PTPN13: variants seen among roughly 807,000 people sequenced by gnomAD.
PTPN13 encodes protein tyrosine phosphatase non-receptor type 13.
Under a neutral mutation model 284.0 loss-of-function variants are expected in PTPN13, and 191 were observed. The ratio of observed to expected loss-of-function variants is 0.67; its 90% CI spans 0.60 to 0.76. PTPN13 has a LOEUF of 0.76. PTPN13 is among the 30% of genes least tolerant of loss of function. The pLI is 0.00. For missense variants in PTPN13, 2,797 were observed against 2,939.9 expected (o/e 0.95, Z 1.12); for synonymous variants, 986 against 1,022.3 (o/e 0.96, Z 0.68).
chr4:86,665,715 G>A (rs952128230), intron 2 of PTPN13, among the ~76,000 whole-genome samples: 3 of 152,076 alleles, frequency 2.0e-5, no homozygotes, highest in African/African-American at 2.4e-5. Flanking sequence ...TTTTTTCTAC[G>A]TAAAAGATGC....
At chr4:86,784,602 T>A in intron 38 of PTPN13, 44 bp downstream of exon 38, 1 of 1,251,738 alleles carries the variant, frequency 8.0e-7, no homozygotes. Flanking sequence ...AATGCCCTAA[T>A]AATTCAGGTA....
chr4:86,764,981 C>A (rs563565093), intron 25 of PTPN13, among the ~76,000 whole-genome samples: 31 of 152,208 alleles, frequency 2.0e-4, no homozygotes, highest in Middle Eastern at 3.4e-3. Context: ...ATAAAACTTG[C>A]AAATTGTAAA....
intron 2 of PTPN13, among the ~76,000 whole-genome samples, chr4:86,661,564 A>G (rs1018964322): frequency 6.6e-6 from 1 of 152,130 alleles, no homozygotes; most frequent in Non-Finnish European, 1.5e-5. Flanking sequence ...GGTAAGTGGC[A>G]AGGCAGAGAG....
intron 7 of PTPN13, among the ~76,000 whole-genome samples, chr4:86,702,232 G>A (rs2149011745): frequency 6.6e-6 from 1 of 152,330 alleles, no homozygotes; most frequent in Admixed American, 6.5e-5. Context: ...AAGCAGAATA[G>A]CATGGTTATG....
intron 3 of PTPN13, among the ~76,000 whole-genome samples, chr4:86,679,425 C>G (rs1247721471): frequency 3.3e-5 from 5 of 152,096 alleles, no homozygotes; most frequent in Non-Finnish European, 5.9e-5. Flanking sequence ...AAGTCTGGTC[C>G]CTCCAATCAG....
At chr4:86,737,886 G>A (rs1035508549) in intron 15 of PTPN13, among the ~76,000 whole-genome samples, 4 of 151,900 alleles carry the variant, frequency 2.6e-5, no homozygotes, top group Non-Finnish European at 5.9e-5. Context: ...ATGCCACCAC[G>A]CCTGGCTAAT....
At chr4:86,814,337 A>G in intron 47 of PTPN13, 119 bp from the exon 48 acceptor site, 1 of 685,562 alleles carries the variant, frequency 1.5e-6, no homozygotes, top group Non-Finnish European at 2.3e-6. Flanking sequence ...ACATTCTAAC[A>G]AAATTTTTCC....
At chr4:86,752,193 G>A (rs911880147) in intron 19 of PTPN13, among the ~76,000 whole-genome samples, 5 of 152,034 alleles carry the variant, frequency 3.3e-5, no homozygotes, top group Non-Finnish European at 5.9e-5. Context: ...GTTGTCTTAC[G>A]AAATACTACT....
chr4:86,787,368 G>A (rs34178790), intron 40 of PTPN13, among the ~76,000 whole-genome samples: 12,664 of 151,700 alleles, frequency 0.083, 670 homozygotes, highest in Non-Finnish European at 0.11. Flanking sequence ...CAAGGTAGGC[G>A]GATCACCTGA....
At chr4:86,778,822 T>G (rs370072752) in intron 35 of PTPN13, among the ~76,000 whole-genome samples, 125 of 152,226 alleles carry the variant, frequency 8.2e-4, no homozygotes, top group African/African-American at 2.9e-3. Context: ...CAAAAAAAGC[T>G]ACCTCAGGTG....
chr4:86,636,703 T>C (rs1008949466), intron 2 of PTPN13, among the ~76,000 whole-genome samples: 4 of 151,848 alleles, frequency 2.6e-5, no homozygotes, highest in African/African-American at 9.7e-5. Flanking sequence ...TTTATAGCAC[T>C]AAATGCCCAC....
At chr4:86,795,664 A>G (rs1743253684) in intron 40 of PTPN13, among the ~76,000 whole-genome samples, 1 of 152,224 alleles carries the variant, frequency 6.6e-6, no homozygotes, top group African/African-American at 2.4e-5. Flanking sequence ...GATAGACTGA[A>G]TAAAGAAAAT....
intron 1 of PTPN13, among the ~76,000 whole-genome samples, chr4:86,606,025 A>G (rs1764709136): frequency 6.6e-6 from 1 of 151,930 alleles, no homozygotes; most frequent in Admixed American, 6.6e-5. Flanking sequence ...TGGGGCTTGT[A>G]GTAATGAGGA....
chr4:86,634,819 C>T (rs1722832223), intron 1 of PTPN13, among the ~76,000 whole-genome samples: 1 of 152,186 alleles, frequency 6.6e-6, no homozygotes, highest in African/African-American at 2.4e-5. Context: ...TTCCCAACTT[C>T]CCCTACCATG....
At chr4:86,700,558 A>G (rs1310402059) in intron 6 of PTPN13, among the ~76,000 whole-genome samples, 1 of 152,166 alleles carries the variant, frequency 6.6e-6, no homozygotes, top group Admixed American at 6.5e-5. Flanking sequence ...ATTGGCAAAT[A>G]ATGGTAAATT....
chr4:86,626,661 G>A (rs140654443), intron 1 of PTPN13, among the ~76,000 whole-genome samples: 30 of 152,154 alleles, frequency 2.0e-4, no homozygotes, highest in African/African-American at 7.2e-4. Flanking sequence ...TGTTGGTGGG[G>A]ATGTAAAATG....
At chr4:86,734,577 A>T (rs917732263) in intron 13 of PTPN13, 121 bp downstream of exon 13, 1 of 1,271,886 alleles carries the variant, frequency 7.9e-7, no homozygotes, top group Non-Finnish European at 1.1e-6. Context: ...CATAAAAGTA[A>T]TATTTCTTTC....
chr4:86,743,095 C>G (rs951814940), intron 16 of PTPN13, among the ~76,000 whole-genome samples: 1 of 152,058 alleles, frequency 6.6e-6, no homozygotes, highest in African/African-American at 2.4e-5. Flanking sequence ...GGAAAAGTTA[C>G]TATTTGGTCT....
chr4:86,703,154 A>G (rs1731345596), intron 7 of PTPN13, among the ~76,000 whole-genome samples: 1 of 152,148 alleles, frequency 6.6e-6, no homozygotes, highest in Non-Finnish European at 1.5e-5. Flanking sequence ...CCGATATAAC[A>G]TGAATTTTTC....
Sources: gnomAD v4.1 joint callset for allele counts (sites outside exome capture counted in the v4.1 genomes callset) on GRCh38, gnomAD v4.1.1 for gene constraint, MANE v1.5 for transcripts, NCBI Gene and HGNC (gene_info 2026-07-23, HGNC 2026-07-21) for gene names.